Variants in PGR observed in about 807,000 individuals in gnomAD.
The protein encoded by PGR is progesterone receptor.
A neutral mutation model predicts 76.1 loss-of-function variants in PGR; 25 were observed. That is an observed-to-expected ratio of 0.33 (90% confidence interval 0.24 to 0.46). The LOEUF (loss-of-function observed/expected upper bound fraction) is 0.46, where lower values mean the gene tolerates loss of function less well. Ranked by LOEUF, PGR falls within the 20% of genes least tolerant of loss-of-function variation. The pLI is 1.00. For synonymous variants in PGR, 579 were observed against 535.0 expected (o/e 1.08, Z -1.14); for missense variants, 1,172 against 1,225.3 (o/e 0.96, Z 0.65).
At chr11:101,080,492 C>T (rs1289058498) in intron 3 of PGR, among the ~76,000 whole-genome samples, 1 of 151,110 alleles carries the variant, frequency 6.6e-6, no homozygotes, top group African/African-American at 2.4e-5. Context: ...AAACTACTAC[C>T]CACATGAAAA....
At chr11:101,109,603 A>G (rs2135484461) in intron 2 of PGR, among the ~76,000 whole-genome samples, 1 of 152,168 alleles carries the variant, frequency 6.6e-6, no homozygotes, top group East Asian at 1.9e-4. Flanking sequence ...AAGTTTGAAA[A>G]CAGAAGCTGG....
At chr11:101,094,073 T>C (rs1213273164) in intron 2 of PGR, among the ~76,000 whole-genome samples, 2 of 152,196 alleles carry the variant, frequency 1.3e-5, no homozygotes, top group Non-Finnish European at 2.9e-5. Flanking sequence ...CTAAAGTCTT[T>C]AGTCTCTCCA....
Position 101,030,978 on chromosome 11 carries a change from A to G in PGR, c.*8138T>C. The G allele has an allele frequency of 5.3e-6, 1 of 188,260 alleles. No individual in the cohort carries two copies. The highest frequency in any genetic ancestry group is 1.1e-5 in the Non-Finnish European group (1 of 89,288). 11.7% of individuals were successfully genotyped at this position (188,260 alleles called of 1,614,324 possible). A position where few individuals can be genotyped will look rare whatever the true frequency, so the allele number is the denominator to read the frequency against. On this transcript the variant is annotated 3_prime_UTR_variant, in exon 8 of 8. Coordinates refer to ENST00000325455, the MANE Select transcript of PGR (RefSeq NM_000926.4). The stretch of plus-strand genomic sequence containing the variant: ...TCAGACAAGTAAAGGGAAGTCCAGG[A>G]AGATCAAGCCTTTTATGCTTGCCTG...
At chr11:101,054,330 C>CA (rs1203897387) in intron 4 of PGR, among the ~76,000 whole-genome samples, 1 of 151,884 alleles carries the variant, frequency 6.6e-6, no homozygotes, top group African/African-American at 2.4e-5. Context: ...ACTAAGCAGC[C>CA]AAAAAAATTT....
chr11:101,126,122 G>A lies in PGR; in HGVS notation c.1674C>T (p.Ser558=). 6.2e-7 allele frequency: 1 copy of A among 1,614,076 alleles called. No individual in the cohort carries two copies. The highest frequency in any genetic ancestry group is 1.7e-5 in the Admixed American group (1 of 60,018). ...AAATCTTCTGAGGTAATGACTCGAA[G>A]CTGTATTGTGGGCTCTGGCTGGCTT... The part of the protein sequence containing the change: ...DSEASQSPQY[S]FESLPQKICL... Residue 558 remains serine (S), a synonymous_variant, in exon 2 of 8, where the codon AGC becomes AGT. Coordinates refer to ENST00000325455, the MANE Select transcript of PGR (RefSeq NM_000926.4).
intron 3 of PGR, among the ~76,000 whole-genome samples, chr11:101,088,477 G>A (rs920131900): frequency 7.9e-5 from 12 of 151,982 alleles, no homozygotes; most frequent in Admixed American, 2.0e-4. Flanking sequence ...GACTACAGGC[G>A]CCTGCCACCA....
intron 4 of PGR, 118 bp downstream of exon 4, chr11:101,062,329 C>A: frequency 1.3e-6 from 1 of 784,306 alleles, no homozygotes. Context: ...CACATACTAT[C>A]ACATACTGTT....
Position 101,089,450 on chromosome 11 carries a change from T to C in PGR, c.1906+2310A>G, listed in dbSNP as rs1861603504. ...CTAATGAGTTTAGTAGTGAGTCTGC[T>C]TCCTGATAATCCCCACTAACTCTGC... On this transcript the variant is annotated intron_variant, in intron 3 of 7. Transcript: ENST00000325455. Among the ~76,000 whole-genome samples the C allele has an allele frequency of 2.6e-5, 4 of 152,342 alleles. No individual in the cohort carries two copies. In the South Asian group the frequency reaches 8.3e-4, roughly 32 times the overall value.
chr11:101,085,983 G>A (rs1861486541), intron 3 of PGR, among the ~76,000 whole-genome samples: 1 of 152,096 alleles, frequency 6.6e-6, no homozygotes, highest in African/African-American at 2.4e-5. Context: ...AGAAAGCCCT[G>A]GCCAGAGAGA....
At chr11:101,112,657 T>C (rs1187570239) in intron 2 of PGR, among the ~76,000 whole-genome samples, 1 of 152,158 alleles carries the variant, frequency 6.6e-6, no homozygotes, top group African/African-American at 2.4e-5. Context: ...ATGAGGGGAC[T>C]GTCTGCAGGG....
In PGR at chr11:101,035,339, G is replaced by T. The variant is rs1048956530; in HGVS notation, c.*3777C>A. 1 of 230,824 alleles carries T rather than the reference G, an allele frequency of 4.3e-6. No individual in the cohort carries two copies. The highest frequency in any genetic ancestry group is 2.2e-5 in the African/African-American group (1 of 45,344). 14.3% of individuals were successfully genotyped at this position (230,824 alleles called of 1,614,324 possible). On this transcript the variant is annotated 3_prime_UTR_variant, in exon 8 of 8. Transcript: ENST00000325455. ...TTCATATTCTATCCTGACTTCTGAT[G>T]TGTGAAGGATAAGTATGGATGAGAG...
At position 101,128,432 on chromosome 11, in the gene PGR, A is replaced by G; in HGVS notation, c.639T>C (p.Ser213=). ...PHWSGAPVKP[S]PQAAAVEVEE... ...CAACCTCCACCGCAGCGGCCTGCGG[A>G]GACGGCTTCACTGGGGCCCCGGACC... is the stretch of plus-strand genomic sequence containing the variant. The change falls in exon 1 of 8, where the codon TCT becomes TCC. Residue 213 remains serine (S), a synonymous_variant. Coordinates refer to ENST00000325455, the MANE Select transcript of PGR (RefSeq NM_000926.4). The G allele has an allele frequency of 6.2e-7, 1 of 1,610,588 alleles. No homozygotes were observed. Among genetic ancestry groups the G allele is most frequent in the Non-Finnish European group, 8.5e-7 (1 of 1,179,806 alleles).
At chr11:101,060,202 T>C (rs1235519373) in intron 4 of PGR, among the ~76,000 whole-genome samples, 2 of 152,230 alleles carry the variant, frequency 1.3e-5, no homozygotes, top group South Asian at 2.1e-4. Flanking sequence ...CGTGTGTGTG[T>C]GTGTGTCTCA....
At chr11:101,072,398 G>T (rs1860971546) in intron 3 of PGR, among the ~76,000 whole-genome samples, 1 of 152,124 alleles carries the variant, frequency 6.6e-6, no homozygotes, top group Admixed American at 6.6e-5. Flanking sequence ...GACCATCGAT[G>T]CTAGGAAGAA....
chr11:101,041,977 G>C lies in PGR; in HGVS notation c.2614C>G (p.Gln872Glu). ...AAGTTATCAAGAAGTTTTGTAAGTTGATAGAAACGCTGTGAGCTCGACACA... is the reference window on the plus strand; with the variant it reads ...AAGTTATCAAGAAGTTTTGTAAGTTCATAGAAACGCTGTGAGCTCGACACA... ...GVVSSSQRFY[Q>E]LTKLLDNLHD... Residue 872 changes from glutamine (Q) to glutamate (E), a missense_variant, in exon 7 of 8, where the codon CAA becomes GAA. Coordinates refer to ENST00000325455, the MANE Select transcript of PGR (RefSeq NM_000926.4). The C allele has an allele frequency of 6.2e-7, 1 of 1,613,476 alleles. No homozygotes were observed. Among genetic ancestry groups the C allele is most frequent in the Non-Finnish European group, 8.5e-7 (1 of 1,179,624 alleles).
At chr11:101,126,652 C>T (rs1312254409) in intron 1 of PGR, among the ~76,000 whole-genome samples, 1 of 152,130 alleles carries the variant, frequency 6.6e-6, no homozygotes, top group South Asian at 2.1e-4. Flanking sequence ...AAAGTATTGT[C>T]CAATACACTG....
intron 2 of PGR, 138 bp downstream of exon 2, chr11:101,125,869 T>C: frequency 1.3e-6 from 1 of 790,604 alleles, no homozygotes; most frequent in Non-Finnish European, 2.0e-6. Context: ...ATTGTTAAAA[T>C]GTCATCATAT....
intron 3 of PGR, among the ~76,000 whole-genome samples, chr11:101,064,289 C>T (rs959318324): frequency 7.9e-6 from 1 of 126,126 alleles, no homozygotes; most frequent in Admixed American, 9.6e-5. Context: ...CAAGATCATG[C>T]CATTGCACTC....
rs772659505 is a variant in PGR at position 101,128,085 on chromosome 11, T to A, written c.986A>T (p.Tyr329Phe). Residue 329 changes from tyrosine to phenylalanine, a missense_variant, in exon 1 of 8, where the codon TAC becomes TTC. Transcript: ENST00000325455. ...GCTGGCAGCCCCGGCCCCGCCGTCG[T>A]AACTTTCGTCTTCCAGCAGCTGCCG... ...RTRQLLEDES[Y>F]DGGAGAASAF... is the part of the protein sequence containing the mutation. 2 of 1,600,174 alleles carry A rather than the reference T, an allele frequency of 1.2e-6. No individual in the cohort carries two copies.
Sources: allele counts gnomAD v4.1 joint callset (sites outside exome capture counted in the v4.1 genomes callset), GRCh38; gene constraint gnomAD v4.1.1; transcripts MANE v1.5; gene names NCBI Gene and HGNC (gene_info 2026-07-23, HGNC 2026-07-21).